Variants in LMBRD2 observed in about 807,000 individuals in gnomAD.
The protein encoded by LMBRD2 is LMBR1 domain containing 2.
Under a neutral mutation model 94.4 loss-of-function variants are expected in LMBRD2, and 55 were observed. The ratio of observed to expected loss-of-function variants is 0.58; its 90% CI spans 0.47 to 0.73. The LOEUF is 0.73. LMBRD2 is among the 30% of genes least tolerant of loss of function. The pLI, the probability that LMBRD2 is intolerant of heterozygous loss-of-function variation, is 0.00. For synonymous variants in LMBRD2, 246 were observed against 272.4 expected (o/e 0.90, Z 0.95); for missense variants, 640 against 831.9 (o/e 0.77, Z 2.84).
At position 36,122,275 on chromosome 5, in the gene LMBRD2, C is replaced by T. The variant is rs1029568818; in HGVS notation, c.1120+5G>A. On this transcript the variant is annotated splice_donor_5th_base_variant and intron_variant, in intron 9 of 17. Transcript: ENST00000296603. Reference sequence around the variant, plus strand: ...AAAGTTTGAAATTTATATCAAATTACATACCAAATGTAGGATTATAAAAAT... The same window carrying T: ...AAAGTTTGAAATTTATATCAAATTATATACCAAATGTAGGATTATAAAAAT... 1 of 1,555,914 alleles carries T rather than the reference C, an allele frequency of 6.4e-7. No individual in the cohort carries two copies. The highest frequency in any genetic ancestry group is 8.7e-7 in the Non-Finnish European group (1 of 1,153,736).
chr5:36,106,107 T>C (rs1743460616), intron 16 of LMBRD2, among the ~76,000 whole-genome samples: 1 of 152,180 alleles, frequency 6.6e-6, no homozygotes, highest in Non-Finnish European at 1.5e-5. Flanking sequence ...CATCATCCTA[T>C]GACTTTGTGA....
intron 6 of LMBRD2, among the ~76,000 whole-genome samples, chr5:36,133,400 ATATAGT>A (rs1744198186): frequency 6.6e-6 from 1 of 152,144 alleles, no homozygotes; most frequent in Non-Finnish European, 1.5e-5. Context: ...GGATACAAAA[ATATAGT>A]TAGAGTGAAT....
At chr5:36,118,655 GT>G (rs755231683) in intron 9 of LMBRD2, among the ~76,000 whole-genome samples, 30 of 142,464 alleles carry the variant, frequency 2.1e-4, no homozygotes, top group East Asian at 4.1e-4. Context: ...TTGGTTTTTT[GT>G]TTTTTTTTTT....
intron 6 of LMBRD2, among the ~76,000 whole-genome samples, chr5:36,135,126 T>C (rs191919604): frequency 6.2e-4 from 95 of 152,328 alleles, no homozygotes; most frequent in Non-Finnish European, 1.9e-4. Context: ...CTAAAATATT[T>C]ACTATCTGGC....
chr5:36,142,046 TATTA>T (rs1198044375), intron 3 of LMBRD2, among the ~76,000 whole-genome samples: 1 of 152,236 alleles, frequency 6.6e-6, no homozygotes, highest in Non-Finnish European at 1.5e-5. Context: ...ATTTGAACTT[TATTA>T]ATTTTTTATG....
At chr5:36,146,103 T>C (rs1286597716) in intron 1 of LMBRD2, among the ~76,000 whole-genome samples, 1 of 152,198 alleles carries the variant, frequency 6.6e-6, no homozygotes, top group Non-Finnish European at 1.5e-5. Context: ...GATGAAGAAA[T>C]AGAATTATGG....
intron 6 of LMBRD2, among the ~76,000 whole-genome samples, chr5:36,130,907 A>T (rs1246572402): frequency 6.6e-6 from 1 of 152,180 alleles, no homozygotes; most frequent in African/African-American, 2.4e-5. Context: ...ATTTTACCAA[A>T]CATTTAAAGA....
At chr5:36,136,662 T>C (rs1744278954) in intron 5 of LMBRD2, 143 bp from the exon 6 acceptor site, 4 of 675,428 alleles carry the variant, frequency 5.9e-6, no homozygotes, top group Admixed American at 5.8e-5. Context: ...ATAATATGTA[T>C]ATATTTTCCC....
At chr5:36,150,860 G>A (rs1744682675) in intron 1 of LMBRD2, among the ~76,000 whole-genome samples, 2 of 152,210 alleles carry the variant, frequency 1.3e-5, no homozygotes, top group Admixed American at 1.3e-4. Flanking sequence ...CACAAGGGAG[G>A]TTTAATTTCA....
chr5:36,106,267 C>T (rs1164228395), intron 16 of LMBRD2, among the ~76,000 whole-genome samples: 1 of 152,060 alleles, frequency 6.6e-6, no homozygotes, highest in Non-Finnish European at 1.5e-5. Flanking sequence ...ATTTATTATA[C>T]CCTAAAGTCC....
chr5:36,105,334 G>C, intron 16 of LMBRD2, 137 bp from the exon 17 acceptor site: 1 of 747,576 alleles, frequency 1.3e-6, no homozygotes, highest in Non-Finnish European at 2.2e-6. Flanking sequence ...ATAACTACAT[G>C]GTTCCTTAAA....
At chr5:36,135,566 C>G (rs1179410543) in intron 6 of LMBRD2, among the ~76,000 whole-genome samples, 3 of 152,086 alleles carry the variant, frequency 2.0e-5, no homozygotes, top group Non-Finnish European at 4.4e-5. Context: ...TGCATTAAAA[C>G]ATTTTGGAGT....
intron 11 of LMBRD2, among the ~76,000 whole-genome samples, chr5:36,115,424 C>G (rs926066677): frequency 6.6e-6 from 1 of 152,062 alleles, no homozygotes; most frequent in Non-Finnish European, 1.5e-5. Context: ...CTAAGCCATC[C>G]GTAAAATCCA....
At chr5:36,130,573 T>G (rs1277249013) in intron 6 of LMBRD2, among the ~76,000 whole-genome samples, 1 of 152,104 alleles carries the variant, frequency 6.6e-6, no homozygotes, top group East Asian at 1.9e-4. Context: ...GAGTAAGTCC[T>G]CACTTATCAA....
rs12513526 is a variant in LMBRD2, at chr5:36,101,794, C to G, written c.*2252G>C. ...TTGAAAGTCATAAAGGAATCTATAC[C>G]GGTTGTGAAGTGTATGCACGTATAC... On this transcript the variant is annotated 3_prime_UTR_variant, in exon 18 of 18. Transcript: ENST00000296603. 1 of 151,460 alleles carries G rather than the reference C, an allele frequency of 6.6e-6. No homozygotes were observed. Among genetic ancestry groups the G allele is most frequent in the Non-Finnish European group, 1.5e-5 (1 of 67,720 alleles). The allele number at this position is 151,460 out of a possible 1,614,324, so 9.4% of individuals were successfully genotyped here. A position where few individuals can be genotyped will look rare whatever the true frequency, so the allele number is the denominator to read the frequency against.
rs1034525278 is a variant in LMBRD2, at chr5:36,151,170, G to A, written c.-58+386C>T. Among the ~76,000 whole-genome samples the A allele has an allele frequency of 6.6e-6, 1 of 152,194 alleles. No individual in the cohort carries two copies. Among genetic ancestry groups the A allele is most frequent in the African/African-American group, 2.4e-5 (1 of 41,434 alleles). On this transcript the variant is annotated intron_variant, in intron 1 of 17. Transcript: ENST00000296603. The surrounding 1 kb of genome is among the most constrained non-coding windows in gnomAD (Gnocchi z 4.7). ...GGCTGAAAGCAGCTCGCTTTTAGGCGGCGACGCAAACACACGTAGCCAGCT... is the reference window on the plus strand; with the variant it reads ...GGCTGAAAGCAGCTCGCTTTTAGGCAGCGACGCAAACACACGTAGCCAGCT...
intron 3 of LMBRD2, 95 bp from the exon 4 acceptor site, chr5:36,141,297 G>A: frequency 1.5e-6 from 1 of 654,004 alleles, no homozygotes; most frequent in Non-Finnish European, 2.6e-6. Context: ...TTTACATTCA[G>A]ATTTTAAATT....
At chr5:36,104,809 T>G (rs1016985978) in intron 17 of LMBRD2, among the ~76,000 whole-genome samples, 1 of 152,036 alleles carries the variant, frequency 6.6e-6, no homozygotes, top group Non-Finnish European at 1.5e-5. Context: ...TTATTCTTTC[T>G]TATTTATAAT....
chr5:36,133,697 C>G (rs1375760245), intron 6 of LMBRD2, among the ~76,000 whole-genome samples: 1 of 152,112 alleles, frequency 6.6e-6, no homozygotes, highest in Non-Finnish European at 1.5e-5. Flanking sequence ...TTTTAAAGAG[C>G]AGTTTCTTAT....
Sources: allele counts gnomAD v4.1 joint callset (sites outside exome capture counted in the v4.1 genomes callset), GRCh38; gene constraint gnomAD v4.1.1; non-coding constraint Gnocchi (gnomAD v3.1); transcripts MANE v1.5; gene names NCBI Gene and HGNC (gene_info 2026-07-23, HGNC 2026-07-21).